Variants in CEP164 observed in about 807,000 individuals in gnomAD.
CEP164 encodes centrosomal protein 164, also known as centrosomal protein of 164 kDa.
A neutral mutation model predicts 182.7 loss-of-function variants in CEP164; 162 were observed. That is an observed-to-expected ratio of 0.89 (90% CI 0.78 to 1.01). The LOEUF (loss-of-function observed/expected upper bound fraction) is 1.01, where lower values mean the gene tolerates loss of function less well. Ranked by LOEUF, CEP164 falls within the 50% of genes least tolerant of loss-of-function variation. The probability of loss-of-function intolerance (pLI) is 0.00; values close to 1 mark genes in which losing one functional copy is unlikely to be tolerated. For synonymous variants in CEP164, 661 were observed against 690.0 expected (o/e 0.96, Z 0.66); for missense variants, 1,735 against 1,790.4 (o/e 0.97, Z 0.56).
At chr11:117,361,633 G>A (rs1211090322) in intron 5 of CEP164, among the ~76,000 whole-genome samples, 1 of 152,160 alleles carries the variant, frequency 6.6e-6, no homozygotes, top group East Asian at 1.9e-4. Flanking sequence ...AGACTTATGA[G>A]AATCAGGAAA....
chr11:117,401,455 C>T (rs1186092881), intron 27 of CEP164, among the ~76,000 whole-genome samples: 1 of 152,080 alleles, frequency 6.6e-6, no homozygotes, highest in Non-Finnish European at 1.5e-5. Flanking sequence ...TTTGTTGTGT[C>T]TCTGCCAGGT....
intron 19 of CEP164, 99 bp downstream of exon 19, chr11:117,392,726 G>C: frequency 6.7e-7 from 1 of 1,497,122 alleles, no homozygotes; most frequent in Non-Finnish European, 9.0e-7. Context: ...AGTTTGCTTT[G>C]GATGGCTCAG....
intron 18 of CEP164, 38 bp downstream of exon 18, chr11:117,392,341 T>G (rs371056153): frequency 1.3e-5 from 21 of 1,595,786 alleles, no homozygotes; most frequent in Non-Finnish European, 1.2e-5. Context: ...CATGGCTGAT[T>G]AGCAGAATTC....
chr11:117,409,016 C>T lies in CEP164; in HGVS notation c.3736C>T (p.Arg1246Trp), dbSNP rs369446103. Residue 1246 changes from arginine to tryptophan, a missense_variant, in exon 29 of 33, where the codon CGG (arginine) becomes TGG (tryptophan). Physicochemically the swap from Arg to Trp is moderately radical, Grantham distance 101. Transcript: ENST00000278935. The surrounding 1 kb of genome is among the most constrained non-coding windows in gnomAD (Gnocchi z 4.4). ...TTCCCCGCCTCACCGTGAGTGGTGGCGGCAGCAGAGGAGTGAGTGGGGGAG... is the reference window on the plus strand; with the variant it reads ...TTCCCCGCCTCACCGTGAGTGGTGGTGGCAGCAGAGGAGTGAGTGGGGGAG... ...SFSPPHREWW[R>W]QQRIDSTPSL... 103 of 1,613,902 alleles carry T rather than the reference C, an allele frequency of 6.4e-5. No individual in the cohort carries two copies. The highest frequency in any genetic ancestry group is 5.9e-4 in the South Asian group (54 of 91,060).
chr11:117,381,086 C>T (rs1470164381), intron 12 of CEP164, among the ~76,000 whole-genome samples: 3 of 152,008 alleles, frequency 2.0e-5, no homozygotes, highest in Admixed American at 1.3e-4. Context: ...CTGGAGGAGT[C>T]GCATTGGAGG....
In CEP164 at chr11:117,392,237, G is replaced by A. The variant is rs373477449; in HGVS notation, c.2295G>A (p.Thr765=). 14 of 1,606,266 alleles carry A rather than the reference G, an allele frequency of 8.7e-6. No individual in the cohort carries two copies. In the East Asian group the frequency reaches 1.3e-4, roughly 15 times the overall value. ...TTGCTCCTCCCCAGGCTGTGGCAAC[G>A]CTGGAGAAGGAGCACAGTGCTGAGC... is the stretch of plus-strand genomic sequence containing the variant. The part of the protein sequence containing the change: ...LEGERKEAVA[T]LEKEHSAELE... The change falls in exon 18 of 33, where the codon ACG becomes ACA. Residue 765 remains threonine (T), a synonymous_variant. Transcript: ENST00000278935.
intron 5 of CEP164, chr11:117,359,387 C>T (rs924380206): frequency 5.1e-6 from 5 of 984,754 alleles, no homozygotes; most frequent in South Asian, 9.4e-5. Context: ...GCTGGTGTTA[C>T]GATTATCAGC....
In CEP164 at chr11:117,361,891, A is replaced by G. The variant is rs781697417; in HGVS notation, c.450A>G (p.Leu150=). 22 of 1,613,898 alleles carry G rather than the reference A, an allele frequency of 1.4e-5. No individual in the cohort carries two copies. Among genetic ancestry groups the G allele is most frequent in the Non-Finnish European group, 1.9e-5 (22 of 1,179,998 alleles). The change falls in exon 6 of 33, where the codon TTA becomes TTG. Residue 150 remains leucine (L), a synonymous_variant. Transcript: ENST00000278935. ...TTCCTCTTGGGGGCCTGGCTCCTTT[A>G]CGAGGTCTTGTGGATACCCCACCCT... The part of the protein sequence containing the change: ...VHVPLGGLAP[L]RGLVDTPPSA...
At chr11:117,378,907 C>T (rs1409777006) in intron 11 of CEP164, among the ~76,000 whole-genome samples, 3 of 152,198 alleles carry the variant, frequency 2.0e-5, no homozygotes, top group Admixed American at 6.5e-5. Flanking sequence ...CTGATAGCCC[C>T]GGAGTCCTTT....
At chr11:117,380,567 A>G (rs1428867075) in intron 11 of CEP164, 47 bp from the exon 12 acceptor site, 1 of 1,476,616 alleles carries the variant, frequency 6.8e-7, no homozygotes, top group Non-Finnish European at 9.3e-7. Flanking sequence ...GGAGGGACCC[A>G]AATGCAGTCC....
chr11:117,364,976 CTTCT>C (rs1397778023), intron 8 of CEP164, among the ~76,000 whole-genome samples: 1 of 152,156 alleles, frequency 6.6e-6, no homozygotes, highest in African/African-American at 2.4e-5. Flanking sequence ...GAAACTGTTC[CTTCT>C]GAGTGGGGCC....
At chr11:117,386,692 A>C (rs1592321459) in intron 14 of CEP164, 1 of 156,014 alleles carries the variant, frequency 6.4e-6, no homozygotes, top group East Asian at 1.9e-4. Context: ...GAGCTGGGAT[A>C]CCTGCTGCTG....
chr11:117,396,417 T>G, intron 25 of CEP164, 133 bp from the exon 26 acceptor site: 1 of 842,252 alleles, frequency 1.2e-6, no homozygotes, highest in South Asian at 1.4e-5. Flanking sequence ...AGATGATATC[T>G]ATAAGTAAAC....
chr11:117,386,039 TTC>T (rs2043912411), intron 14 of CEP164: 1 of 152,224 alleles, frequency 6.6e-6, no homozygotes, highest in Non-Finnish European at 1.5e-5. Context: ...GGAGAAGGGA[TTC>T]TGAGTCCACA....
At position 117,371,404 on chromosome 11, in the gene CEP164, G is replaced by A; in HGVS notation, c.1090G>A (p.Ala364Thr). 1 of 1,614,136 alleles carries A rather than the reference G, an allele frequency of 6.2e-7. No homozygotes were observed. Among genetic ancestry groups the A allele is most frequent in the Non-Finnish European group, 8.5e-7 (1 of 1,179,998 alleles). The change falls in exon 9 of 33, where the codon GCA (alanine) becomes ACA (threonine). Residue 364 changes from alanine to threonine, a missense_variant. Physicochemically the swap from Ala to Thr is moderately conservative, Grantham distance 58. Coordinates refer to ENST00000278935, the MANE Select transcript of CEP164 (RefSeq NM_014956.5). ...AGAGGAGGGTTCCAGGAGGGAAGAG[G>A]CAGCCAAGGAGCCAAAGAAGAAGGC... ...AGEEGSRREE[A>T]AKEPKKKASA...
rs1267148897 is a variant in CEP164, at chr11:117,362,461, G to A, written c.610G>A (p.Glu204Lys). The A allele has an allele frequency of 6.2e-7, 1 of 1,613,808 alleles. No individual in the cohort carries two copies. The highest frequency in any genetic ancestry group is 8.5e-7 in the Non-Finnish European group (1 of 1,179,924). Residue 204 changes from glutamate (E) to lysine (K), a missense_variant, in exon 7 of 33, where the codon GAG (glutamate) becomes AAG (lysine). Glu to Lys is a moderately conservative substitution (Grantham distance 56). Coordinates refer to ENST00000278935, the MANE Select transcript of CEP164 (RefSeq NM_014956.5). ...YTKGLLGSIYEDKTALSLLGL... is the reference protein window; with the variant it reads ...YTKGLLGSIYKDKTALSLLGL... ...AAAGGGTCTCTTGGGCTCCATATATGAGGACAAGACTGCTCTCAGCCTCTT... is the reference window on the plus strand; with the variant it reads ...AAAGGGTCTCTTGGGCTCCATATATAAGGACAAGACTGCTCTCAGCCTCTT...
chr11:117,354,342 T>G (rs2040054392), intron 5 of CEP164, among the ~76,000 whole-genome samples: 1 of 152,176 alleles, frequency 6.6e-6, no homozygotes, highest in South Asian at 2.1e-4. Context: ...TTTATAAAAC[T>G]AATCAATCAC....
intron 31 of CEP164, 74 bp downstream of exon 31, chr11:117,410,968 G>A: frequency 6.6e-6 from 9 of 1,365,028 alleles, no homozygotes; most frequent in Non-Finnish European, 9.2e-6. Flanking sequence ...TGGGCAGGTG[G>A]ACCTCTGAGG....
chr11:117,383,369 A>G (rs1456032816), intron 14 of CEP164, among the ~76,000 whole-genome samples: 2 of 152,144 alleles, frequency 1.3e-5, no homozygotes, highest in African/African-American at 4.8e-5. Flanking sequence ...TGGCCACTCA[A>G]ACAGGGAATG....
Sources: allele counts gnomAD v4.1 joint callset (sites outside exome capture counted in the v4.1 genomes callset), GRCh38; gene constraint gnomAD v4.1.1; non-coding constraint Gnocchi (gnomAD v3.1); transcripts MANE v1.5; gene names NCBI Gene and HGNC (gene_info 2026-07-23, HGNC 2026-07-21).